The following PRKN variants were observed in gnomAD, a reference collection of about 807,000 sequenced individuals.
PRKN encodes E3 ubiquitin-protein ligase parkin.
Under a neutral mutation model 59.5 loss-of-function variants are expected in PRKN, and 56 were observed. That is an observed-to-expected ratio of 0.94 (90% CI 0.76 to 1.18). PRKN has a LOEUF of 1.18. PRKN is among the 50% of genes most tolerant of loss of function. The probability of loss-of-function intolerance (pLI) is 0.00; values close to 1 mark genes in which losing one functional copy is unlikely to be tolerated. For synonymous variants in PRKN, 250 were observed against 222.1 expected (o/e 1.13, Z -1.12); for missense variants, 657 against 596.4 (o/e 1.10, Z -1.06).
At chr6:161,476,119 G>A (rs1791064440) in intron 9 of PRKN, among the ~76,000 whole-genome samples, 2 of 151,730 alleles carry the variant, frequency 1.3e-5, no homozygotes, top group South Asian at 2.1e-4. Flanking sequence ...CCCGGGAGGC[G>A]GAGCTTGCAG....
chr6:162,142,703 A>G (rs1276454755), intron 4 of PRKN, among the ~76,000 whole-genome samples: 1 of 152,230 alleles, frequency 6.6e-6, no homozygotes, highest in Non-Finnish European at 1.5e-5. Flanking sequence ...TAACAGAATC[A>G]GTATTGCTTT....
intron 5 of PRKN, among the ~76,000 whole-genome samples, chr6:162,041,075 C>G (rs1050478836): frequency 6.6e-6 from 1 of 151,972 alleles, no homozygotes; most frequent in African/African-American, 2.4e-5. Flanking sequence ...GTCCCAGCTA[C>G]TCGGGAGGCT....
chr6:161,656,359 C>T (rs1784352102), intron 7 of PRKN, among the ~76,000 whole-genome samples: 1 of 152,194 alleles, frequency 6.6e-6, no homozygotes, highest in African/African-American at 2.4e-5. Flanking sequence ...TGTCCTTGGA[C>T]TGATGTCCTG....
At chr6:162,218,497 C>T (rs552796435) in intron 3 of PRKN, among the ~76,000 whole-genome samples, 4 of 152,264 alleles carry the variant, frequency 2.6e-5, no homozygotes, top group South Asian at 4.1e-4. Flanking sequence ...TGGAGTGCCT[C>T]TGTGCAAATC....
intron 1 of PRKN, among the ~76,000 whole-genome samples, chr6:162,592,900 A>G (rs1409178582): frequency 6.6e-6 from 1 of 151,802 alleles, no homozygotes; most frequent in East Asian, 1.9e-4. Context: ...AATGTATGTC[A>G]AAGATACTTC....
intron 1 of PRKN, among the ~76,000 whole-genome samples, chr6:162,674,431 A>G (rs569347538): frequency 1.3e-5 from 2 of 152,264 alleles, no homozygotes; most frequent in African/African-American, 4.8e-5. Context: ...CTAGGACATG[A>G]AAGAGGAGTC....
chr6:161,559,279 T>C (rs1474548928), intron 8 of PRKN, among the ~76,000 whole-genome samples: 6 of 152,154 alleles, frequency 3.9e-5, no homozygotes, highest in Non-Finnish European at 7.4e-5. Context: ...ACTTCCAGTG[T>C]AGCTCCCCTT....
At chr6:162,116,016 A>C (rs1449670029) in intron 4 of PRKN, among the ~76,000 whole-genome samples, 1 of 152,196 alleles carries the variant, frequency 6.6e-6, no homozygotes, top group Non-Finnish European at 1.5e-5. Flanking sequence ...CCCACTCTTC[A>C]TACTTTAAAA....
At chr6:162,483,794 T>C (rs1017579859) in intron 1 of PRKN, among the ~76,000 whole-genome samples, 1 of 152,174 alleles carries the variant, frequency 6.6e-6, no homozygotes, top group Admixed American at 6.5e-5. Flanking sequence ...CAGAAATATG[T>C]AGACATATGT....
chr6:161,399,949 C>G lies in PRKN; in HGVS notation c.1084-13072G>C, dbSNP rs750847393. Among the ~76,000 whole-genome samples, 15 of 152,178 alleles carry G rather than the reference C, an allele frequency of 9.9e-5. No homozygotes were observed. The highest frequency in any genetic ancestry group is 2.1e-4 in the South Asian group (1 of 4,826). On this transcript the variant is annotated intron_variant, in intron 9 of 11. Coordinates refer to ENST00000366898, the MANE Select transcript of PRKN (RefSeq NM_004562.3). The surrounding 1 kb of genome is among the most constrained non-coding windows in gnomAD (Gnocchi z 4.4). Reference sequence around the variant, plus strand: ...TTCAAAATTGTATCATTTCAACATGCAATCGATATAAAAATTGGTAATGAG... The same window carrying G: ...TTCAAAATTGTATCATTTCAACATGGAATCGATATAAAAATTGGTAATGAG...
intron 5 of PRKN, among the ~76,000 whole-genome samples, chr6:162,009,951 C>A (rs185248600): frequency 2.3e-4 from 35 of 151,404 alleles, no homozygotes; most frequent in Non-Finnish European, 7.4e-5. Flanking sequence ...AAAATAAAGT[C>A]TTCTGGTTCA....
Position 161,428,360 on chromosome 6 carries a change from C to T in PRKN, c.1084-41483G>A, listed in dbSNP as rs1314249286. Reference sequence around the variant, plus strand: ...ACTGGCAGAGAGGGGCAGAGGGAGGCAGGACGGGCTGCTGGGGTGGAGAGT... The same window carrying T: ...ACTGGCAGAGAGGGGCAGAGGGAGGTAGGACGGGCTGCTGGGGTGGAGAGT... On this transcript the variant is annotated intron_variant, in intron 9 of 11. Coordinates refer to ENST00000366898, the MANE Select transcript of PRKN (RefSeq NM_004562.3). The surrounding 1 kb of genome is among the most constrained non-coding windows in gnomAD (Gnocchi z 4.0). 6.6e-6 allele frequency among the ~76,000 whole-genome samples: 1 copy of T among 152,142 alleles called. No homozygotes were observed. Among genetic ancestry groups the T allele is most frequent in the Non-Finnish European group, 1.5e-5 (1 of 68,032 alleles).
chr6:161,604,621 G>A (rs1782213269), intron 7 of PRKN, among the ~76,000 whole-genome samples: 1 of 152,220 alleles, frequency 6.6e-6, no homozygotes, highest in African/African-American at 2.4e-5. Flanking sequence ...GTCTCTGAAT[G>A]CACAGTGTTT....
intron 3 of PRKN, among the ~76,000 whole-genome samples, chr6:162,240,756 T>A (rs1259906809): frequency 1.3e-5 from 2 of 152,150 alleles, no homozygotes; most frequent in African/African-American, 4.8e-5. Context: ...GGTGAACCCA[T>A]TAAAACTGAG....
chr6:162,379,167 T>C (rs1290004691), intron 2 of PRKN, among the ~76,000 whole-genome samples: 2 of 152,112 alleles, frequency 1.3e-5, no homozygotes, highest in Non-Finnish European at 2.9e-5. Context: ...CCTAAAGTTT[T>C]GCTTGACCAC....
intron 2 of PRKN, among the ~76,000 whole-genome samples, chr6:162,282,338 AT>A (rs1780945010): frequency 6.6e-6 from 1 of 152,106 alleles, no homozygotes; most frequent in East Asian, 1.9e-4. Context: ...TAAAAAAAAA[AT>A]CCACACCCTC....
At chr6:162,461,383 T>C (rs1349780305) in intron 1 of PRKN, among the ~76,000 whole-genome samples, 4 of 147,126 alleles carry the variant, frequency 2.7e-5, no homozygotes, top group African/African-American at 1.0e-4. Flanking sequence ...ACACCTGTAA[T>C]ACCAGCTACT....
intron 7 of PRKN, among the ~76,000 whole-genome samples, chr6:161,611,703 C>A (rs1782494688): frequency 6.6e-6 from 1 of 152,116 alleles, no homozygotes; most frequent in South Asian, 2.1e-4. Flanking sequence ...TTAAGTTAGG[C>A]CAATTAATAA....
At chr6:161,536,528 T>C (rs1211008832) in intron 9 of PRKN, among the ~76,000 whole-genome samples, 2 of 152,152 alleles carry the variant, frequency 1.3e-5, no homozygotes, top group African/African-American at 2.4e-5. Context: ...ACAGAGATTC[T>C]AACCATGACC....
Sources: gnomAD v4.1 joint callset for allele counts (sites outside exome capture counted in the v4.1 genomes callset) on GRCh38, gnomAD v4.1.1 for gene constraint, Gnocchi (gnomAD v3.1) non-coding constraint, MANE v1.5 for transcripts, NCBI Gene and HGNC (gene_info 2026-07-23, HGNC 2026-07-21) for gene names.